OPA1: variants seen among roughly 807,000 people sequenced by gnomAD.
The protein encoded by OPA1 is dynamin-like GTPase OPA1, mitochondrial.
OPA1 carries 59 observed loss-of-function variants against 152.9 expected under a neutral mutation model. The ratio of observed to expected loss-of-function variants is 0.39; its 90% CI spans 0.31 to 0.48. The LOEUF (loss-of-function observed/expected upper bound fraction) is 0.48, where lower values mean the gene tolerates loss of function less well. Among genes scored for constraint, OPA1 ranks in the 20% least tolerant of loss-of-function variants. The pLI is 0.96. For missense variants in OPA1, 1,008 were observed against 1,216.8 expected (o/e 0.83, Z 2.55); for synonymous variants, 400 against 389.9 (o/e 1.03, Z -0.31).
intron 30 of OPA1, among the ~76,000 whole-genome samples, chr3:193,693,268 G>A (rs1229447350): frequency 2.0e-5 from 3 of 152,236 alleles, no homozygotes; most frequent in Non-Finnish European, 4.4e-5. Flanking sequence ...GGAACAGTGT[G>A]CCAGCAAAGG....
At chr3:193,612,268 C>CTTTTTT (rs34283831) in intron 1 of OPA1, among the ~76,000 whole-genome samples, 2 of 116,362 alleles carry the variant, frequency 1.7e-5, no homozygotes, top group South Asian at 2.8e-4. Flanking sequence ...GTCTAACTTC[C>CTTTTTT]TTTTTTTTTT....
At chr3:193,682,365 C>T (rs183781262) in intron 29 of OPA1, among the ~76,000 whole-genome samples, 136 of 152,272 alleles carry the variant, frequency 8.9e-4, no homozygotes, top group African/African-American at 3.2e-3. Context: ...GTGCAAGGTG[C>T]TGATGTAGCA....
chr3:193,600,418 T>C (rs1726287082), intron 1 of OPA1, among the ~76,000 whole-genome samples: 2 of 152,188 alleles, frequency 1.3e-5, no homozygotes, highest in African/African-American at 4.8e-5. Flanking sequence ...CAACTGTCAA[T>C]GTACAGCTGC....
intron 29 of OPA1, among the ~76,000 whole-genome samples, chr3:193,688,444 C>CTTTTTTTTTTT (rs1560079327): frequency 5.2e-5 from 2 of 38,520 alleles, no homozygotes; most frequent in Non-Finnish European, 5.9e-5. Context: ...TGAAATGGGT[C>CTTTTTTTTTTT]TTTTCTTTTT....
rs962065945 is a variant in OPA1 at position 193,648,964 on chromosome 3, T to C, written c.2012+93T>C. On this transcript the variant is annotated intron_variant, in intron 21 of 30. Coordinates refer to ENST00000361510, the MANE Select transcript of OPA1 (RefSeq NM_130837.3). ...CTTAGATTGATAAAGCAGTGATTTA[T>C]TGTTGCCTTGGCTCATAGGCAAAAA... The C allele has an allele frequency of 4.2e-6, 4 of 957,790 alleles. No individual in the cohort carries two copies. The African/African-American group carries it at 6.5e-5, about 15-fold the overall frequency. The allele number at this position is 957,790 out of a possible 1,614,324, so 59.3% of individuals were successfully genotyped here.
intron 6 of OPA1, among the ~76,000 whole-genome samples, chr3:193,619,367 C>T (rs185595564): frequency 1.6e-4 from 24 of 152,140 alleles, no homozygotes; most frequent in East Asian, 5.8e-4. Context: ...GCTCATGGAA[C>T]GTCGTATAGG....
At chr3:193,608,298 G>T (rs1204720682) in intron 1 of OPA1, among the ~76,000 whole-genome samples, 1 of 152,108 alleles carries the variant, frequency 6.6e-6, no homozygotes, top group East Asian at 1.9e-4. Context: ...TGACGTTAGG[G>T]TGTCAATTTT....
At chr3:193,665,101 C>T (rs1324985380) in intron 27 of OPA1, 105 bp downstream of exon 27, 1 of 692,544 alleles carries the variant, frequency 1.4e-6, no homozygotes, top group African/African-American at 1.8e-5. Context: ...CTTTGATCAT[C>T]TGGGGAAAAA....
intron 16 of OPA1, among the ~76,000 whole-genome samples, chr3:193,644,744 C>A (rs1185959192): frequency 6.6e-6 from 1 of 152,192 alleles, no homozygotes; most frequent in East Asian, 1.9e-4. Context: ...TTTCTGTGGC[C>A]TCCTCCCCAT....
Position 193,643,834 on chromosome 3 carries a change from G to A in OPA1, c.1478-141G>A, listed in dbSNP as rs112831553. 0.029 allele frequency: 29,017 copies of A among 1,009,120 alleles called. 515 individuals carry two copies. The highest frequency in any genetic ancestry group is 0.036 in the African/African-American group (2,205 of 61,294). The allele number at this position is 1,009,120 out of a possible 1,614,324, so 62.5% of individuals were successfully genotyped here. On this transcript the variant is annotated intron_variant, in intron 15 of 30. Transcript: ENST00000361510. ...GCATCATTGAAATTTTTATCGGCTAGGATTTCTTTTTAGTAAATAACGTAA... is the reference window on the plus strand; with the variant it reads ...GCATCATTGAAATTTTTATCGGCTAAGATTTCTTTTTAGTAAATAACGTAA...
chr3:193,660,487 A>G (rs1186562729), intron 25 of OPA1, among the ~76,000 whole-genome samples: 3 of 152,204 alleles, frequency 2.0e-5, no homozygotes, highest in African/African-American at 7.2e-5. Flanking sequence ...AATAGAGGAG[A>G]CAAAGGGAAT....
At chr3:193,682,954 C>T (rs1009345165) in intron 29 of OPA1, among the ~76,000 whole-genome samples, 1 of 151,880 alleles carries the variant, frequency 6.6e-6, no homozygotes, top group African/African-American at 2.4e-5. Context: ...GCCCTAGCTG[C>T]CATAGATAGT....
chr3:193,622,751 C>A (rs1253323642), intron 6 of OPA1, among the ~76,000 whole-genome samples: 5 of 152,156 alleles, frequency 3.3e-5, no homozygotes, highest in Admixed American at 3.3e-4. Context: ...ATCTAATCGG[C>A]CATTTCTGTT....
chr3:193,621,667 A>C (rs1730111623), intron 6 of OPA1, among the ~76,000 whole-genome samples: 2 of 152,348 alleles, frequency 1.3e-5, no homozygotes, highest in Middle Eastern at 3.4e-3. Flanking sequence ...TTACACTACT[A>C]TCTTGAGGTA....
Position 193,618,200 on chromosome 3 carries a change from C to T in OPA1, c.610+363C>T, listed in dbSNP as rs192879151. ...TTGACATTTAAATTTGTTTTCCGGC[C>T]GGGCGCGGTGGCTCATGCCTGTAAT... On this transcript the variant is annotated intron_variant, in intron 5 of 30. Transcript: ENST00000361510. Among the ~76,000 whole-genome samples the T allele has an allele frequency of 7.2e-5, 11 of 152,180 alleles. No homozygotes were observed. Among genetic ancestry groups the T allele is most frequent in the East Asian group, 1.9e-4 (1 of 5,178 alleles).
At position 193,695,603 on chromosome 3, in the gene OPA1, C is replaced by G. The variant is rs1722184651; in HGVS notation, c.*1003C>G. 1 of 152,160 alleles carries G rather than the reference C, an allele frequency of 6.6e-6. No homozygotes were observed. The highest frequency in any genetic ancestry group is 1.5e-5 in the Non-Finnish European group (1 of 68,020). The allele number at this position is 152,160 out of a possible 1,614,324, so 9.4% of individuals were successfully genotyped here. A position where few individuals can be genotyped will look rare whatever the true frequency, so the allele number is the denominator to read the frequency against. On this transcript the variant is annotated 3_prime_UTR_variant, in exon 31 of 31. Transcript: ENST00000361510. ...AATTTATTGCAATTTAATTACAATACTACCTTCACAACATTTTCATGTGTT... is the reference window on the plus strand; with the variant it reads ...AATTTATTGCAATTTAATTACAATAGTACCTTCACAACATTTTCATGTGTT...
At chr3:193,621,325 A>T (rs906127308) in intron 6 of OPA1, among the ~76,000 whole-genome samples, 3 of 152,236 alleles carry the variant, frequency 2.0e-5, no homozygotes, top group Non-Finnish European at 4.4e-5. Context: ...AGTGACGGGG[A>T]GCTGAGGGGA....
In OPA1 at chr3:193,619,064, G is replaced by C. The variant is rs543112669; in HGVS notation, c.678+128G>C. On this transcript the variant is annotated intron_variant, in intron 6 of 30. Transcript: ENST00000361510. ...ACAAAAACATCCAAGTAGAGATATC[G>C]TTACTAATCTTAGTGCAAAGTACAA... The C allele has an allele frequency of 9.2e-6, 7 of 758,626 alleles. No homozygotes were observed. In the Admixed American group the frequency reaches 1.4e-4, roughly 15 times the overall value. 47.0% of individuals were successfully genotyped at this position (758,626 alleles called of 1,614,324 possible). A position where few individuals can be genotyped will look rare whatever the true frequency, so the allele number is the denominator to read the frequency against.
intron 8 of OPA1, among the ~76,000 whole-genome samples, chr3:193,633,157 G>T (rs889438997): frequency 6.6e-6 from 1 of 152,100 alleles, no homozygotes; most frequent in South Asian, 2.1e-4. Flanking sequence ...GCAACCAGGG[G>T]TAAGAGTCAT....
Sources: allele counts gnomAD v4.1 joint callset (sites outside exome capture counted in the v4.1 genomes callset), GRCh38; gene constraint gnomAD v4.1.1; transcripts MANE v1.5; gene names NCBI Gene and HGNC (gene_info 2026-07-23, HGNC 2026-07-21).